Variants in HNF4G observed in about 807,000 individuals in gnomAD.
HNF4G encodes the protein hepatocyte nuclear factor 4 gamma, also known as hepatocyte nuclear factor 4-gamma.
HNF4G carries 21 observed loss-of-function variants against 50.9 expected under a neutral mutation model. That is an observed-to-expected ratio of 0.41 (90% CI 0.29 to 0.59). The LOEUF is 0.59. HNF4G is among the 20% of genes least tolerant of loss of function. The probability of loss-of-function intolerance (pLI) is 0.26; values close to 1 mark genes in which losing one functional copy is unlikely to be tolerated. For synonymous variants in HNF4G, 198 were observed against 185.6 expected (o/e 1.07, Z -0.54); for missense variants, 527 against 559.4 (o/e 0.94, Z 0.58).
At chr8:75,551,336 T>C (rs2272668) in intron 3 of HNF4G, 52 bp from the exon 4 acceptor site, 219,625 of 1,014,188 alleles carry the variant, frequency 0.22, 25,317 homozygotes, top group Middle Eastern at 0.28. Context: ...ATCTATATTC[T>C]AACATACACT....
chr8:75,443,021 A>G (rs1171531159), intron 1 of HNF4G, among the ~76,000 whole-genome samples: 1 of 152,172 alleles, frequency 6.6e-6, no homozygotes, highest in African/African-American at 2.4e-5. Context: ...TGATGGTATT[A>G]GGAGGGTGGG....
intron 2 of HNF4G, among the ~76,000 whole-genome samples, chr8:75,534,212 A>G (rs921745627): frequency 8.6e-5 from 13 of 151,924 alleles, no homozygotes; most frequent in South Asian, 6.2e-4. Context: ...CATTGTAAAA[A>G]CGAAATGCAG....
chr8:75,516,326 G>A lies in HNF4G; in HGVS notation c.-24+26118G>A, dbSNP rs572770021. Among the ~76,000 whole-genome samples the A allele has an allele frequency of 6.5e-4, 99 of 151,478 alleles. 2 individuals are homozygous for A. Among genetic ancestry groups the A allele is most frequent in the Middle Eastern group, 3.4e-3 (1 of 292 alleles). Reference sequence around the variant, plus strand: ...AAATAAGTCTTCCTCTTTTACCTACGGGTTATTTCTTGTTGTTGTTGATTT... The same window carrying A: ...AAATAAGTCTTCCTCTTTTACCTACAGGTTATTTCTTGTTGTTGTTGATTT... On this transcript the variant is annotated intron_variant, in intron 2 of 10. Coordinates refer to the HNF4G transcript ENST00000354370.
chr8:75,557,214 A>G (rs768686976), intron 6 of HNF4G, among the ~76,000 whole-genome samples: 8 of 152,236 alleles, frequency 5.3e-5, no homozygotes, highest in Non-Finnish European at 8.8e-5. Context: ...AGGTAAGCTA[A>G]CCTTTCATAA....
intron 2 of HNF4G, among the ~76,000 whole-genome samples, chr8:75,546,835 T>A (rs1297981370): frequency 6.6e-6 from 1 of 152,184 alleles, no homozygotes. Flanking sequence ...TGTGTACATT[T>A]ATGAAGAAGT....
intron 9 of HNF4G, among the ~76,000 whole-genome samples, chr8:75,562,356 A>T (rs1040346089): frequency 3.3e-5 from 5 of 152,206 alleles, no homozygotes; most frequent in African/African-American, 4.8e-5. Flanking sequence ...AGGAAAAAAT[A>T]TAAATTTTAG....
In HNF4G at chr8:75,417,734, T is replaced by C. The variant is rs148096062; in HGVS notation, c.-144+9572T>C. Among the ~76,000 whole-genome samples the C allele has an allele frequency of 1.2e-3, 181 of 152,334 alleles. 1 individual carries two copies. The highest frequency in any genetic ancestry group is 3.8e-3 in the African/African-American group (158 of 41,586). On this transcript the variant is annotated intron_variant, in intron 1 of 10. Transcript: ENST00000354370. ...TGAAAATAATTTAACTGATATTTCA[T>C]GTGTAAATAAACAATACGGCAGATT...
chr8:75,553,037 A>G lies in HNF4G; in HGVS notation c.490-5A>G, dbSNP rs561883465. ...ATGATAATATAATGCTTTTCTTAAT[A>G]CTAGATCTCAGTCTCAAGCCCTGGG... On this transcript the variant is annotated splice_region_variant and splice_polypyrimidine_tract_variant and intron_variant, in intron 4 of 9. Coordinates refer to ENST00000396423, the MANE Select transcript of HNF4G (RefSeq NM_004133.5). 5.3e-5 allele frequency: 84 copies of G among 1,599,308 alleles called. No homozygotes were observed. In the South Asian group the frequency reaches 8.9e-4, roughly 17 times the overall value.
In HNF4G at chr8:75,564,247, A is replaced by T. The variant is rs1161123657; in HGVS notation, c.*151A>T. 6 of 719,040 alleles carry T rather than the reference A, an allele frequency of 8.3e-6. No homozygotes were observed. Among genetic ancestry groups the T allele is most frequent in the African/African-American group, 7.2e-5 (4 of 55,726 alleles). The allele number at this position is 719,040 out of a possible 1,614,324, so 44.5% of individuals were successfully genotyped here. ...GTCCTATTTTCTTGTTTATACGTTC[A>T]TTCTGTTTGTTATTGCTACTATGTA... On this transcript the variant is annotated 3_prime_UTR_variant, in exon 10 of 10. Coordinates refer to ENST00000396423, the MANE Select transcript of HNF4G (RefSeq NM_004133.5).
At chr8:75,456,551 ATTTTAT>A (rs1032430600) in intron 1 of HNF4G, among the ~76,000 whole-genome samples, 1 of 151,934 alleles carries the variant, frequency 6.6e-6, no homozygotes, top group Non-Finnish European at 1.5e-5. Context: ...AACCTGATTT[ATTTTAT>A]TTTTAAATAG....
intron 3 of HNF4G, among the ~76,000 whole-genome samples, chr8:75,550,456 G>A (rs1471785499): frequency 6.6e-6 from 1 of 152,026 alleles, no homozygotes; most frequent in African/African-American, 2.4e-5. Flanking sequence ...GGGACTACAA[G>A]CGTGTGCCAC....
chr8:75,452,490 C>T (rs1038936262), intron 1 of HNF4G, among the ~76,000 whole-genome samples: 2 of 152,080 alleles, frequency 1.3e-5, no homozygotes, highest in East Asian at 3.9e-4. Flanking sequence ...GAGCCCGAAG[C>T]GGGGGGATCA....
Position 75,558,952 on chromosome 8 carries a change from G to T in HNF4G, c.1038G>T (p.Thr346=). The change falls in exon 8 of 10, where the codon ACG becomes ACT. Residue 346 remains threonine, a synonymous_variant. Transcript: ENST00000396423. ...TCCTGCCCACACTGCAGAGCATCAC[G>T]TGGCAAATGATTGAGCAAATACAGT... ...LLLLPTLQSI[T]WQMIEQIQFV... 1 of 1,614,042 alleles carries T rather than the reference G, an allele frequency of 6.2e-7. No individual in the cohort carries two copies. The highest frequency in any genetic ancestry group is 8.5e-7 in the Non-Finnish European group (1 of 1,179,930).
At chr8:75,476,316 A>G (rs1367109782) in intron 1 of HNF4G, among the ~76,000 whole-genome samples, 1 of 152,122 alleles carries the variant, frequency 6.6e-6, no homozygotes, top group Non-Finnish European at 1.5e-5. Context: ...TATATACCAC[A>G]TTTTCTTTAC....
rs906479890 is a variant in HNF4G at position 75,420,957 on chromosome 8, A to G, written c.-144+12795A>G. ...GATTACTAAGAAGTGCTAGTTGAGG[A>G]CTCTAAAGCAGTACTGGACAATGAA... is the stretch of plus-strand genomic sequence containing the variant. On this transcript the variant is annotated intron_variant, in intron 1 of 10. Coordinates refer to the HNF4G transcript ENST00000354370. Among the ~76,000 whole-genome samples the G allele has an allele frequency of 3.3e-5, 5 of 152,200 alleles. No individual in the cohort carries two copies. The East Asian group carries it at 9.6e-4, about 29-fold the overall frequency.
intron 1 of HNF4G, among the ~76,000 whole-genome samples, chr8:75,438,187 T>G (rs1019477626): frequency 6.6e-6 from 1 of 152,206 alleles, no homozygotes. Context: ...CATAAACATA[T>G]GCATATTTAA....
intron 1 of HNF4G, among the ~76,000 whole-genome samples, chr8:75,469,029 A>G (rs942246915): frequency 1.3e-5 from 2 of 152,158 alleles, no homozygotes; most frequent in African/African-American, 4.8e-5. Flanking sequence ...TTATTTTTAT[A>G]CTTAAAAGGC....
chr8:75,547,685 A>G lies in HNF4G; in HGVS notation c.382+4A>G. 1 of 1,455,468 alleles carries G rather than the reference A, an allele frequency of 6.9e-7. No individual in the cohort carries two copies. Among genetic ancestry groups the G allele is most frequent in the Non-Finnish European group, 9.7e-7 (1 of 1,035,480 alleles). The allele number at this position is 1,455,468 out of a possible 1,614,324, so 90.2% of individuals were successfully genotyped here. On this transcript the variant is annotated splice_donor_region_variant and intron_variant, in intron 3 of 9. Transcript: ENST00000396423. ...AGAGCGGGAATGAAAAAAGAAGGTA[A>G]TAATAATGATGATGATAATTAACAT... is the stretch of plus-strand genomic sequence containing the variant.
chr8:75,442,282 T>C (rs552195229), intron 1 of HNF4G, among the ~76,000 whole-genome samples: 9 of 152,294 alleles, frequency 5.9e-5, no homozygotes, highest in African/African-American at 2.2e-4. Flanking sequence ...GGGTATCGGG[T>C]ATATGGATAT....
Sources: allele counts gnomAD v4.1 joint callset (sites outside exome capture counted in the v4.1 genomes callset), GRCh38; gene constraint gnomAD v4.1.1; transcripts MANE v1.5; gene names NCBI Gene and HGNC (gene_info 2026-07-23, HGNC 2026-07-21).